The following LRFN2 variants were observed in gnomAD, a reference collection of about 807,000 sequenced individuals.
LRFN2 encodes leucine rich repeat and fibronectin type III domain containing 2, also known as leucine-rich repeat and fibronectin type-III domain-containing protein 2.
In LRFN2, 18 loss-of-function variants were observed where a neutral mutation model predicts 37.3. The ratio of observed to expected loss-of-function variants is 0.48; its 90% confidence interval spans 0.33 to 0.72. The LOEUF (loss-of-function observed/expected upper bound fraction) is 0.72. Ranked by LOEUF, LRFN2 falls within the 30% of genes least tolerant of loss-of-function variation. The pLI is 0.02. For synonymous variants in LRFN2, 556 were observed against 466.6 expected (o/e 1.19, Z -2.47); for missense variants, 1,006 against 1,060.7 (o/e 0.95, Z 0.72).
intron 1 of LRFN2, among the ~76,000 whole-genome samples, chr6:40,563,351 TG>T (rs1161507287): frequency 6.6e-6 from 1 of 152,114 alleles, no homozygotes; most frequent in Admixed American, 6.6e-5. Flanking sequence ...CCTCCTCCTC[TG>T]GGGGGCCCTC....
intron 1 of LRFN2, among the ~76,000 whole-genome samples, chr6:40,567,854 A>G (rs1293961247): frequency 6.6e-6 from 1 of 152,134 alleles, no homozygotes; most frequent in Non-Finnish European, 1.5e-5. Flanking sequence ...ACCAGCAGGC[A>G]TCTTACAGAG....
Position 40,392,117 on chromosome 6 carries a change from C to T in LRFN2, c.2196G>A (p.Ala732=), listed in dbSNP as rs762064936. 6 of 1,613,112 alleles carry T rather than the reference C, an allele frequency of 3.7e-6. No homozygotes were observed. The highest frequency in any genetic ancestry group is 4.2e-6 in the Non-Finnish European group (5 of 1,179,682). Residue 732 remains alanine, a synonymous_variant, in exon 3 of 3, where the codon GCG becomes GCA. Coordinates refer to ENST00000338305, the MANE Select transcript of LRFN2 (RefSeq NM_020737.3). This position sits in a 1 kb window ranked among gnomAD's most constrained non-coding sequence, Gnocchi z 4.7. ...HSFDMGDFAA[A]AAGGVVPGGY... ...CGCCCGGCACGACCCCTCCCGCCGC[C>T]GCAGCAGCAAAGTCCCCCATGTCGA...
chr6:40,448,646 G>T (rs928347204), intron 1 of LRFN2, among the ~76,000 whole-genome samples: 1 of 152,172 alleles, frequency 6.6e-6, no homozygotes, highest in South Asian at 2.1e-4. Context: ...GGACCGAATC[G>T]CTAATGAATT....
At chr6:40,511,793 C>T (rs1020450037) in intron 1 of LRFN2, among the ~76,000 whole-genome samples, 5 of 152,192 alleles carry the variant, frequency 3.3e-5, no homozygotes, top group Admixed American at 2.0e-4. Flanking sequence ...AGAAGGGGCA[C>T]ACAATTATTC....
intron 1 of LRFN2, among the ~76,000 whole-genome samples, chr6:40,533,288 G>A (rs1207046494): frequency 6.6e-6 from 1 of 150,814 alleles, no homozygotes; most frequent in Admixed American, 6.6e-5. Flanking sequence ...ATTACTTTAT[G>A]TACCAATTGA....
intron 1 of LRFN2, among the ~76,000 whole-genome samples, chr6:40,478,743 T>C (rs1210583892): frequency 4.6e-5 from 7 of 152,236 alleles, no homozygotes; most frequent in Admixed American, 3.3e-4. Context: ...TCCTTTCCAA[T>C]ATGTGCATGT....
At chr6:40,559,872 C>T (rs1455542724) in intron 1 of LRFN2, among the ~76,000 whole-genome samples, 1 of 152,194 alleles carries the variant, frequency 6.6e-6, no homozygotes, top group East Asian at 1.9e-4. Flanking sequence ...TTCCAAGTCC[C>T]ACTCATGTGG....
intron 1 of LRFN2, among the ~76,000 whole-genome samples, chr6:40,435,153 C>CAGAGAGAG (rs10583784): frequency 9.7e-5 from 11 of 113,600 alleles, no homozygotes; most frequent in South Asian, 3.1e-4. Flanking sequence ...TATATATATA[C>CAGAGAGAG]AGAGAGAGAG....
chr6:40,406,027 G>A (rs562952772), intron 2 of LRFN2, among the ~76,000 whole-genome samples: 35 of 152,208 alleles, frequency 2.3e-4, no homozygotes, highest in Admixed American at 3.9e-4. Context: ...AGGGAGCGTC[G>A]CCCTCCTCCA....
intron 2 of LRFN2, among the ~76,000 whole-genome samples, chr6:40,412,440 T>TA (rs1157800196): frequency 6.6e-6 from 1 of 152,142 alleles, no homozygotes. Context: ...CGGGGTCCCA[T>TA]AGGTAACAGA....
chr6:40,534,292 G>T (rs1274028652), intron 1 of LRFN2, among the ~76,000 whole-genome samples: 1 of 152,134 alleles, frequency 6.6e-6, no homozygotes, highest in Non-Finnish European at 1.5e-5. Flanking sequence ...CGTTTTGGGG[G>T]TCATGGACTC....
intron 1 of LRFN2, among the ~76,000 whole-genome samples, chr6:40,499,737 C>T (rs932095491): frequency 5.3e-5 from 8 of 152,006 alleles, no homozygotes; most frequent in East Asian, 3.9e-4. Context: ...TAGAGTGTGG[C>T]GAGTTTGTGC....
At chr6:40,479,380 C>G (rs1369791029) in intron 1 of LRFN2, among the ~76,000 whole-genome samples, 2 of 152,224 alleles carry the variant, frequency 1.3e-5, no homozygotes, top group African/African-American at 4.8e-5. Flanking sequence ...GGCACTGGCC[C>G]TACAAGACAA....
chr6:40,483,444 G>A (rs927402823), intron 1 of LRFN2, among the ~76,000 whole-genome samples: 11 of 152,194 alleles, frequency 7.2e-5, no homozygotes, highest in African/African-American at 2.2e-4. Flanking sequence ...GGGAAGGTGA[G>A]GTGGGAGGTG....
At chr6:40,410,281 C>A (rs1335579536) in intron 2 of LRFN2, among the ~76,000 whole-genome samples, 1 of 152,136 alleles carries the variant, frequency 6.6e-6, no homozygotes, top group Non-Finnish European at 1.5e-5. Context: ...CTTCTCTGTG[C>A]TTTTAACATT....
chr6:40,485,856 G>A (rs1300776229), intron 1 of LRFN2, among the ~76,000 whole-genome samples: 1 of 152,186 alleles, frequency 6.6e-6, no homozygotes, highest in African/African-American at 2.4e-5. Context: ...AGTTTATTTG[G>A]GAGGTGGACT....
At chr6:40,399,426 C>CTTTTTTTTTTTTTTTTTTTTT (rs61458320) in intron 2 of LRFN2, among the ~76,000 whole-genome samples, 1 of 134,370 alleles carries the variant, frequency 7.4e-6, no homozygotes, top group Non-Finnish European at 1.6e-5. Context: ...TTTTTCTTTT[C>CTTTTTTTTTTTTTTTTTTTTT]TTTTTTTTTT....
intron 2 of LRFN2, among the ~76,000 whole-genome samples, chr6:40,395,256 C>T (rs1046421011): frequency 6.6e-6 from 1 of 152,224 alleles, no homozygotes; most frequent in South Asian, 2.1e-4. Context: ...TGAGGTCACA[C>T]AGCTGGGACT....
At chr6:40,571,843 G>T (rs895097494) in intron 1 of LRFN2, among the ~76,000 whole-genome samples, 8 of 152,216 alleles carry the variant, frequency 5.3e-5, no homozygotes, top group African/African-American at 1.9e-4. Context: ...GGCCATGCAA[G>T]TGTCCAGACT....
Sources: gnomAD v4.1 joint callset for allele counts (sites outside exome capture counted in the v4.1 genomes callset) on GRCh38, gnomAD v4.1.1 for gene constraint, Gnocchi (gnomAD v3.1) non-coding constraint, MANE v1.5 for transcripts, NCBI Gene and HGNC (gene_info 2026-07-23, HGNC 2026-07-21) for gene names.